VWA8: variants seen among roughly 807,000 people sequenced by gnomAD.
VWA8 encodes von Willebrand factor A domain-containing protein 8.
VWA8 carries 221 observed loss-of-function variants against 241.5 expected under a neutral mutation model. The observed-to-expected ratio is 0.91, with a 90% CI of 0.82 to 1.02. The LOEUF is 1.02. Ranked by LOEUF, VWA8 falls within the 50% of genes least tolerant of loss-of-function variation. The pLI, the probability that VWA8 is intolerant of heterozygous loss-of-function variation, is 0.00. For missense variants in VWA8, 2,322 were observed against 2,328.7 expected (o/e 1.00, Z 0.06); for synonymous variants, 852 against 827.1 (o/e 1.03, Z -0.52).
chr13:41,807,539 T>C (rs1324864039), intron 17 of VWA8: 1 of 152,178 alleles, frequency 6.6e-6, no homozygotes, highest in Non-Finnish European at 1.5e-5. Flanking sequence ...GTTAAACACA[T>C]GCATATCAGT....
At chr13:41,594,814 C>T (rs898560867) in intron 40 of VWA8, among the ~76,000 whole-genome samples, 2 of 152,140 alleles carry the variant, frequency 1.3e-5, no homozygotes, top group Non-Finnish European at 2.9e-5. Context: ...AGAAATGGAG[C>T]ATTAGGATGC....
At chr13:41,836,814 A>T (rs1227063307) in intron 12 of VWA8, among the ~76,000 whole-genome samples, 1 of 152,190 alleles carries the variant, frequency 6.6e-6, no homozygotes, top group Non-Finnish European at 1.5e-5. Context: ...GCTACACAAT[A>T]TGCAGCAGCA....
intron 9 of VWA8, among the ~76,000 whole-genome samples, chr13:41,870,826 T>G: frequency 6.6e-6 from 1 of 152,138 alleles, no homozygotes; most frequent in East Asian, 1.9e-4. Context: ...CTACACTGGT[T>G]ATGTCCACAC....
At chr13:41,821,346 C>G (rs750173869) in intron 14 of VWA8, among the ~76,000 whole-genome samples, 1 of 152,130 alleles carries the variant, frequency 6.6e-6, no homozygotes, top group Non-Finnish European at 1.5e-5. Flanking sequence ...AGTCACCGAA[C>G]TACTGAATAA....
intron 24 of VWA8, among the ~76,000 whole-genome samples, chr13:41,722,261 G>A (rs1353619528): frequency 6.6e-6 from 1 of 152,124 alleles, no homozygotes; most frequent in Non-Finnish European, 1.5e-5. Flanking sequence ...GAAAAGGAAT[G>A]TAGAAACATA....
chr13:41,737,110 G>C (rs559378599), intron 21 of VWA8, among the ~76,000 whole-genome samples: 1 of 152,048 alleles, frequency 6.6e-6, no homozygotes, highest in Non-Finnish European at 1.5e-5. Context: ...GATTAAAGGC[G>C]TGAGCCACCA....
At chr13:41,642,019 C>G (rs1378549444) in intron 37 of VWA8, among the ~76,000 whole-genome samples, 1 of 152,172 alleles carries the variant, frequency 6.6e-6, no homozygotes, top group African/African-American at 2.4e-5. Context: ...CCTGTTGTCT[C>G]AGCATAATTA....
chr13:41,953,575 G>A (rs1001511044), intron 1 of VWA8, among the ~76,000 whole-genome samples: 20 of 152,322 alleles, frequency 1.3e-4, no homozygotes, highest in Middle Eastern at 6.8e-3. Context: ...GGAGGCCGAG[G>A]TGGGTGGATC....
intron 21 of VWA8, among the ~76,000 whole-genome samples, chr13:41,739,557 C>T (rs1037322293): frequency 1.3e-5 from 2 of 152,012 alleles, no homozygotes; most frequent in African/African-American, 4.8e-5. Flanking sequence ...ATTCCCAATG[C>T]TCTAGCTTTA....
chr13:41,622,863 T>A (rs2044666030), intron 37 of VWA8, among the ~76,000 whole-genome samples: 3 of 152,198 alleles, frequency 2.0e-5, no homozygotes, highest in Admixed American at 2.0e-4. Flanking sequence ...AAAGTGAGCT[T>A]TTGGAGGTAT....
Position 41,689,472 on chromosome 13 carries a change from T to A in VWA8, c.4013A>T (p.Asp1338Val), listed in dbSNP as rs1271860403. 2 of 1,611,176 alleles carry A rather than the reference T, an allele frequency of 1.2e-6. No homozygotes were observed. The highest frequency in any genetic ancestry group is 1.7e-4 in the Middle Eastern group (1 of 6,040). Residue 1338 changes from aspartate (D) to valine (V), a missense_variant, in exon 34 of 45, where the codon GAT becomes GTT. Asp to Val is a radical substitution (Grantham distance 152). Transcript: ENST00000379310. Reference sequence around the variant, plus strand: ...ACTTAGATGTTCAGATGATAGTTGATCACTGGAAATTTTATGAGGTATGCT... The same window carrying A: ...ACTTAGATGTTCAGATGATAGTTGAACACTGGAAATTTTATGAGGTATGCT... The part of the protein sequence containing the change: ...EFSIPHKISS[D>V]QLSSEHLSSA...
At chr13:41,605,080 T>C (rs2044544393) in intron 40 of VWA8, 88 bp downstream of exon 40, 4 of 1,314,354 alleles carry the variant, frequency 3.0e-6, no homozygotes, top group African/African-American at 2.9e-5. Flanking sequence ...ACTGGCTAAT[T>C]AGGGTTCAGA....
At chr13:41,821,411 T>C (rs1355608975) in intron 14 of VWA8, among the ~76,000 whole-genome samples, 2 of 152,104 alleles carry the variant, frequency 1.3e-5, no homozygotes, top group Non-Finnish European at 2.9e-5. Flanking sequence ...CTTCCTTACA[T>C]ACAAATAGGT....
chr13:41,816,185 G>C (rs1374618348), intron 16 of VWA8, among the ~76,000 whole-genome samples: 1 of 152,140 alleles, frequency 6.6e-6, no homozygotes, highest in African/African-American at 2.4e-5. Context: ...ACATTTTTAT[G>C]TTTAATCATT....
intron 21 of VWA8, among the ~76,000 whole-genome samples, chr13:41,735,822 C>A (rs1406477567): frequency 1.3e-5 from 2 of 152,064 alleles, no homozygotes; most frequent in Non-Finnish European, 2.9e-5. Flanking sequence ...AAGGTGACTA[C>A]TGTTGTTACA....
chr13:41,594,368 G>A (rs2044475042), intron 40 of VWA8, among the ~76,000 whole-genome samples: 1 of 151,990 alleles, frequency 6.6e-6, no homozygotes, highest in Admixed American at 6.6e-5. Context: ...GGCCTCAGGT[G>A]ATCCTCCCAC....
At chr13:41,861,642 A>G (rs1050150751) in intron 12 of VWA8, among the ~76,000 whole-genome samples, 3 of 152,218 alleles carry the variant, frequency 2.0e-5, no homozygotes, top group Non-Finnish European at 2.9e-5. Context: ...TAGCATTTGT[A>G]TACACCAATA....
chr13:41,831,613 G>GTTTTTTTTT (rs71096547), intron 13 of VWA8, among the ~76,000 whole-genome samples: 8 of 113,412 alleles, frequency 7.1e-5, no homozygotes, highest in African/African-American at 1.1e-4. Context: ...CCAGGCATGA[G>GTTTTTTTTT]TTTTTTTTTT....
chr13:41,863,183 G>A (rs187708175), intron 12 of VWA8, among the ~76,000 whole-genome samples: 15 of 151,382 alleles, frequency 9.9e-5, no homozygotes, highest in South Asian at 4.2e-4. Flanking sequence ...AAGGCAAGAC[G>A]GGTCTAGCCT....
Sources: allele counts gnomAD v4.1 joint callset (sites outside exome capture counted in the v4.1 genomes callset), GRCh38; gene constraint gnomAD v4.1.1; transcripts MANE v1.5; gene names NCBI Gene and HGNC (gene_info 2026-07-23, HGNC 2026-07-21).